Variants in GALNT13 observed in about 807,000 individuals in gnomAD.
GALNT13 encodes the protein polypeptide N-acetylgalactosaminyltransferase 13, also known as UDP-GalNAc:polypeptide N-acetylgalactosaminyltransferase 13.
Under a neutral mutation model 64.2 loss-of-function variants are expected in GALNT13, and 28 were observed. That is an observed-to-expected ratio of 0.44 (90% confidence interval 0.32 to 0.60). The LOEUF is 0.60. Ranked by LOEUF, GALNT13 falls within the 20% of genes least tolerant of loss-of-function variation. GALNT13 has a pLI of 0.05. For missense variants in GALNT13, 577 were observed against 669.8 expected (o/e 0.86, Z 1.53); for synonymous variants, 214 against 224.6 (o/e 0.95, Z 0.42).
chr2:153,313,909 A>C, the GALNT13 span, among the ~76,000 whole-genome samples: 1 of 152,116 alleles, frequency 6.6e-6, no homozygotes, highest in South Asian at 2.1e-4. Flanking sequence ...TCCTTTTTTA[A>C]AAAATTTCTT....
At chr2:153,377,495 A>G in the GALNT13 span, among the ~76,000 whole-genome samples, 296 of 152,108 alleles carry the variant, frequency 1.9e-3, 2 homozygotes, top group African/African-American at 6.5e-3. Flanking sequence ...TCACTCTGTT[A>G]GTTTCTCACT....
At chr2:153,815,211 G>C in the GALNT13 span, among the ~76,000 whole-genome samples, 1 of 152,284 alleles carries the variant, frequency 6.6e-6, no homozygotes, top group African/African-American at 2.4e-5. Flanking sequence ...TTGGAGAGAT[G>C]ATGTTATTTA....
the GALNT13 span, among the ~76,000 whole-genome samples, chr2:153,713,195 CT>C: frequency 1.3e-5 from 2 of 152,074 alleles, no homozygotes; most frequent in Non-Finnish European, 2.9e-5. Flanking sequence ...GTACAGGTAC[CT>C]CCAAAAATAC....
At chr2:153,556,072 G>A in the GALNT13 span, among the ~76,000 whole-genome samples, 6 of 152,078 alleles carry the variant, frequency 3.9e-5, no homozygotes, top group African/African-American at 1.4e-4. Context: ...ACTTTTTTCA[G>A]TCAAGTGCTT....
chr2:154,059,288 C>T (rs1208896520), intron 3 of GALNT13, among the ~76,000 whole-genome samples: 1 of 152,082 alleles, frequency 6.6e-6, no homozygotes, highest in Non-Finnish European at 1.5e-5. Context: ...ATAAAAATAA[C>T]TAGGGAAAAT....
the GALNT13 span, among the ~76,000 whole-genome samples, chr2:153,726,679 T>C: frequency 2.0e-5 from 3 of 152,058 alleles, no homozygotes; most frequent in African/African-American, 7.2e-5. Flanking sequence ...CGGTGGCTCA[T>C]GCCTGTAATC....
chr2:154,327,668 A>G (rs1002580111), intron 9 of GALNT13, among the ~76,000 whole-genome samples: 24 of 152,218 alleles, frequency 1.6e-4, no homozygotes, highest in African/African-American at 5.3e-4. Flanking sequence ...TTAATCAACA[A>G]TATCACATTA....
At chr2:153,568,330 A>G in the GALNT13 span, among the ~76,000 whole-genome samples, 925 of 152,186 alleles carry the variant, frequency 6.1e-3, 6 homozygotes, top group African/African-American at 0.021. Context: ...TGATTCTCTC[A>G]TGTCAGCCTC....
At chr2:153,668,423 T>C in the GALNT13 span, among the ~76,000 whole-genome samples, 2 of 152,048 alleles carry the variant, frequency 1.3e-5, no homozygotes, top group Non-Finnish European at 2.9e-5. Context: ...TATAGTGCAG[T>C]AAATAGAGAA....
chr2:154,055,765 G>T (rs147481281), intron 3 of GALNT13, among the ~76,000 whole-genome samples: 154 of 152,110 alleles, frequency 1.0e-3, no homozygotes, highest in African/African-American at 3.5e-3. Flanking sequence ...TGGTTTTCTC[G>T]CCACAGATTT....
the GALNT13 span, among the ~76,000 whole-genome samples, chr2:153,484,031 G>A: frequency 2.6e-3 from 397 of 152,158 alleles, 19 homozygotes; most frequent in East Asian, 0.07. Context: ...ATAGTTTTAT[G>A]TTTTATGTAC....
intron 3 of GALNT13, among the ~76,000 whole-genome samples, chr2:153,969,982 GC>G (rs1019919321): frequency 2.8e-4 from 43 of 152,260 alleles, no homozygotes; most frequent in African/African-American, 1.0e-3. Flanking sequence ...AGGTTTATGT[GC>G]ATTATTATAA....
the GALNT13 span, among the ~76,000 whole-genome samples, chr2:153,863,233 C>T: frequency 1.3e-5 from 2 of 152,060 alleles, no homozygotes; most frequent in Non-Finnish European, 2.9e-5. Flanking sequence ...ATAGGTGAAG[C>T]AAAATAAGGC....
chr2:153,792,844 G>A, the GALNT13 span, among the ~76,000 whole-genome samples: 33 of 152,086 alleles, frequency 2.2e-4, no homozygotes, highest in Middle Eastern at 3.4e-3. Context: ...CAAAAAAGTC[G>A]TATTACAAAT....
rs189999069 is a variant in GALNT13, at chr2:154,027,137, T to C, written c.142+82498T>C. ...TATTCTTTTTACCTATCTAAACAAC[T>C]ATTTTACCTATCTAAACAAGTCAGA... On this transcript the variant is annotated intron_variant, in intron 3 of 12. Transcript: ENST00000392825. 5.9e-4 allele frequency among the ~76,000 whole-genome samples: 90 copies of C among 152,280 alleles called. 1 individual carries two copies. Among genetic ancestry groups the C allele is most frequent in the Admixed American group, 9.8e-4 (15 of 15,286 alleles).
In GALNT13 at chr2:154,145,100, C is replaced by CTATCTA. The variant is rs796615512; in HGVS notation, c.311+4598_311+4599insCTATAT. 4.4e-3 allele frequency among the ~76,000 whole-genome samples: 522 copies of CTATCTA among 119,502 alleles called. 5 individuals carry two copies. Among genetic ancestry groups the CTATCTA allele is most frequent in the East Asian group, 0.043 (160 of 3,698 alleles). The allele number at this position is 119,502 out of a possible 152,430, so 78.4% of individuals were successfully genotyped here. A position where few individuals can be genotyped will look rare whatever the true frequency, so the allele number is the denominator to read the frequency against. ...TCTATCTATCTATCTATCTATCTAT[C>CTATCTA]TATATATATATATATATATACACAC... On this transcript the variant is annotated intron_variant, in intron 4 of 12. Coordinates refer to ENST00000392825, the MANE Select transcript of GALNT13 (RefSeq NM_052917.4).
At chr2:154,326,297 T>G (rs556981804) in intron 9 of GALNT13, among the ~76,000 whole-genome samples, 1 of 149,832 alleles carries the variant, frequency 6.7e-6, no homozygotes, top group African/African-American at 2.5e-5. Context: ...CTTCAAAATA[T>G]GATTACTTTA....
At chr2:153,855,139 T>C in the GALNT13 span, among the ~76,000 whole-genome samples, 1 of 152,180 alleles carries the variant, frequency 6.6e-6, no homozygotes. Flanking sequence ...GCTGCTGAAA[T>C]AATTAAATAT....
the GALNT13 span, among the ~76,000 whole-genome samples, chr2:153,087,039 C>T: frequency 2.4e-4 from 37 of 152,206 alleles, no homozygotes; most frequent in African/African-American, 5.5e-4. Flanking sequence ...TTGATGAAAG[C>T]GGGCATCCAT....
Sources: allele counts gnomAD v4.1 joint callset (sites outside exome capture counted in the v4.1 genomes callset), GRCh38; gene constraint gnomAD v4.1.1; transcripts MANE v1.5; gene names NCBI Gene and HGNC (gene_info 2026-07-23, HGNC 2026-07-21).